Variants in CA2 observed in about 807,000 individuals in gnomAD.
CA2 encodes the protein carbonate dehydratase II.
A neutral mutation model predicts 27.8 loss-of-function variants in CA2; 23 were observed. The observed-to-expected ratio is 0.83, with a 90% CI of 0.59 to 1.17. CA2 has a LOEUF of 1.17. CA2 is among the 50% of genes most tolerant of loss of function. CA2 has a pLI of 0.00. For synonymous variants in CA2, 99 were observed against 114.9 expected, an observed-to-expected ratio of 0.86 and a Z score of 0.88; for missense variants, 300 against 314.7, an observed-to-expected ratio of 0.95 and a Z score of 0.35.
chr8:85,469,174 T>C (rs1811676476), intron 2 of CA2, among the ~76,000 whole-genome samples: 1 of 152,224 alleles, frequency 6.6e-6, no homozygotes, highest in Non-Finnish European at 1.5e-5. Context: ...AACATCTCTT[T>C]TTATTAGGAG....
In CA2 at chr8:85,465,561, T is replaced by A. The variant is rs1055619040; in HGVS notation, c.232+92T>A. ...CCAGGAACAGTGGCAGGAACCCTCT[T>A]AATAATACAGTTTGTCTCAGGACTC... On this transcript the variant is annotated intron_variant, in intron 2 of 6. Transcript: ENST00000285379. 1.4e-5 allele frequency: 14 copies of A among 997,256 alleles called. No individual in the cohort carries two copies. In the South Asian group the frequency reaches 1.8e-4, roughly 13 times the overall value. The allele number at this position is 997,256 out of a possible 1,614,324, so 61.8% of individuals were successfully genotyped here.
At chr8:85,477,644 C>T (rs1445465471) in intron 6 of CA2, among the ~76,000 whole-genome samples, 1 of 151,798 alleles carries the variant, frequency 6.6e-6, no homozygotes, top group Admixed American at 6.6e-5. Context: ...GCCTACTACT[C>T]ACTCACATAA....
At chr8:85,472,256 AAT>A (rs1811723127) in intron 2 of CA2, among the ~76,000 whole-genome samples, 1 of 152,218 alleles carries the variant, frequency 6.6e-6, no homozygotes, top group African/African-American at 2.4e-5. Context: ...AAGCTAATAA[AAT>A]ACACTTATAG....
At chr8:85,465,568 A>C in intron 2 of CA2, 99 bp downstream of exon 2, 1 of 953,402 alleles carries the variant, frequency 1.0e-6, no homozygotes, top group Non-Finnish European at 1.6e-6. Flanking sequence ...TCTTAATAAT[A>C]CAGTTTGTCT....
intron 2 of CA2, among the ~76,000 whole-genome samples, chr8:85,471,274 G>T (rs1811709775): frequency 6.6e-6 from 1 of 152,108 alleles, no homozygotes; most frequent in Admixed American, 6.5e-5. Flanking sequence ...GTTACAGTGG[G>T]TTTCTAATCT....
At chr8:85,465,655 T>C (rs1211890951) in intron 2 of CA2, among the ~76,000 whole-genome samples, 186 bp downstream of exon 2, 2 of 152,180 alleles carry the variant, frequency 1.3e-5, no homozygotes, top group Non-Finnish European at 2.9e-5. Flanking sequence ...GTTTGAAGTG[T>C]CCCGGGGCCG....
At position 85,465,265 on chromosome 8, in the gene CA2, C is replaced by A. The variant is rs371766356; in HGVS notation, c.35-7C>A. 1.6e-4 allele frequency: 264 copies of A among 1,611,702 alleles called. No individual in the cohort carries two copies. The highest frequency in any genetic ancestry group is 2.2e-4 in the Non-Finnish European group (261 of 1,177,922). ...AATGGGGGATTCACATGTCTTCTTTCCCCCAGGACCTGAGCACTGGCATAA... is the reference window on the plus strand; with the variant it reads ...AATGGGGGATTCACATGTCTTCTTTACCCCAGGACCTGAGCACTGGCATAA... On this transcript the variant is annotated splice_polypyrimidine_tract_variant and splice_region_variant and intron_variant, in intron 1 of 6. Transcript: ENST00000285379.
intron 1 of CA2, 71 bp from the exon 2 acceptor site, chr8:85,465,201 A>T: frequency 1.6e-6 from 2 of 1,275,104 alleles, no homozygotes. Context: ...CTCCGGAATG[A>T]TTGCTCTTCT....
At chr8:85,467,545 G>A (rs1353990957) in intron 2 of CA2, among the ~76,000 whole-genome samples, 7 of 152,176 alleles carry the variant, frequency 4.6e-5, no homozygotes, top group Non-Finnish European at 1.5e-5. Flanking sequence ...TTGCACCTGC[G>A]ATAAGATTTC....
At chr8:85,474,521 C>T (rs1457204586) in intron 4 of CA2, 105 bp downstream of exon 4, 2 of 888,024 alleles carry the variant, frequency 2.3e-6, no homozygotes, top group Non-Finnish European at 3.8e-6. Flanking sequence ...TTAGGAAATG[C>T]CTTTGTCCCT....
At chr8:85,472,659 G>A (rs1811727368) in intron 2 of CA2, among the ~76,000 whole-genome samples, 2 of 152,260 alleles carry the variant, frequency 1.3e-5, no homozygotes, top group Non-Finnish European at 2.9e-5. Context: ...ATGATTTAGT[G>A]TGTCCACAGA....
chr8:85,474,116 G>T, intron 3 of CA2: 1 of 622,942 alleles, frequency 1.6e-6, no homozygotes, highest in Non-Finnish European at 2.8e-6. Flanking sequence ...ACATTTATTT[G>T]TCTTAGAGTT....
chr8:85,479,245 T>C lies in CA2; in HGVS notation c.664-1425T>C, dbSNP rs559044327. On this transcript the variant is annotated intron_variant, in intron 6 of 6. Coordinates refer to ENST00000285379, the MANE Select transcript of CA2 (RefSeq NM_000067.3). ...TGACTAATGTGACAGTGTAGTTTAA[T>C]TGGTGCAGTGAGTAGCAGAAATCGG... Among the ~76,000 whole-genome samples, 16 of 152,308 alleles carry C rather than the reference T, an allele frequency of 1.1e-4. No homozygotes were observed. The East Asian group carries it at 3.1e-3, about 29-fold the overall frequency.
chr8:85,474,953 G>A (rs1292149926), intron 4 of CA2, among the ~76,000 whole-genome samples: 2 of 152,034 alleles, frequency 1.3e-5, no homozygotes, highest in Admixed American at 6.6e-5. Flanking sequence ...ATCTGCCCAG[G>A]GAGCAATCCT....
rs776110756 is a variant in CA2 at position 85,474,341 on chromosome 8, GA to G, written c.371del (p.Asn124ThrfsTer20). ...GGCCTTAGCTTCACTTGGTTCACTG[GA>G]ACACCAAATATGGGGATTTTGGGAA... is the stretch of plus-strand genomic sequence containing the variant. ...YAAELHLVHW[N>X]TKYGDFGKAV... On this transcript the variant is annotated frameshift_variant, in exon 4 of 7. Coordinates refer to ENST00000285379, the MANE Select transcript of CA2 (RefSeq NM_000067.3). LOFTEE classifies it high-confidence loss of function. 2 of 1,614,018 alleles carry G rather than the reference GA, an allele frequency of 1.2e-6. No homozygotes were observed. The highest frequency in any genetic ancestry group is 2.2e-5 in the South Asian group (2 of 91,076).
At chr8:85,478,765 G>T (rs1586017735) in intron 6 of CA2, among the ~76,000 whole-genome samples, 1 of 152,294 alleles carries the variant, frequency 6.6e-6, no homozygotes, top group Middle Eastern at 3.4e-3. Context: ...ATCATGCTCA[G>T]CTCAGGAAGC....
intron 1 of CA2, chr8:85,464,732 G>T (rs1811595935): frequency 1.3e-5 from 2 of 155,798 alleles, no homozygotes; most frequent in Admixed American, 1.3e-4. Flanking sequence ...CTTGGCCTCA[G>T]ATCTGGTTCT....
chr8:85,465,745 C>A (rs1402765175), intron 2 of CA2, among the ~76,000 whole-genome samples: 1 of 152,158 alleles, frequency 6.6e-6, no homozygotes, highest in Non-Finnish European at 1.5e-5. Context: ...ACAAAAGGTG[C>A]AAAGTCCCCT....
intron 4 of CA2, among the ~76,000 whole-genome samples, chr8:85,475,178 A>G (rs1811773903): frequency 6.6e-6 from 1 of 151,892 alleles, no homozygotes; most frequent in Admixed American, 6.6e-5. Context: ...GGCATAAAAA[A>G]CAAACTAACA....
Sources: gnomAD v4.1 joint callset for allele counts (sites outside exome capture counted in the v4.1 genomes callset) on GRCh38, gnomAD v4.1.1 for gene constraint, MANE v1.5 for transcripts, NCBI Gene and HGNC (gene_info 2026-07-23, HGNC 2026-07-21) for gene names.